Variants in CFAP45 observed in about 807,000 individuals in gnomAD.
CFAP45 encodes the protein cilia and flagella associated protein 45.
Under a neutral mutation model 75.6 loss-of-function variants are expected in CFAP45, and 43 were observed. The ratio of observed to expected loss-of-function variants is 0.57; its 90% CI spans 0.45 to 0.73. CFAP45 has a LOEUF of 0.73. Ranked by LOEUF, CFAP45 falls within the 30% of genes least tolerant of loss-of-function variation. The probability of loss-of-function intolerance (pLI) is 0.00; values close to 1 mark genes in which losing one functional copy is unlikely to be tolerated. For missense variants in CFAP45, 689 were observed against 701.5 expected (o/e 0.98, Z 0.20); for synonymous variants, 223 against 244.6 (o/e 0.91, Z 0.82).
At chr1:159,884,612 T>A (rs1375911952) in intron 6 of CFAP45, 47 bp from the exon 7 acceptor site, 1 of 1,578,896 alleles carries the variant, frequency 6.3e-7, no homozygotes. Context: ...CGGGTCCACA[T>A]CTCCCAGAGT....
Position 159,888,516 on chromosome 1 carries a change from A to C in CFAP45, c.273-20T>G. ...GGAACACTGTCACAAGAATAAACAGAGTTAGGGAGGGGAGAGGGAAAGCTC... is the reference window on the plus strand; with the variant it reads ...GGAACACTGTCACAAGAATAAACAGCGTTAGGGAGGGGAGAGGGAAAGCTC... On this transcript the variant is annotated intron_variant, in intron 3 of 11. Coordinates refer to ENST00000368099, the MANE Select transcript of CFAP45 (RefSeq NM_012337.3). 1 of 1,611,642 alleles carries C rather than the reference A, an allele frequency of 6.2e-7. No individual in the cohort carries two copies. Among genetic ancestry groups the C allele is most frequent in the Non-Finnish European group, 8.5e-7 (1 of 1,178,328 alleles).
chr1:159,877,478 G>C lies in CFAP45; in HGVS notation c.1045-16C>G. ...CTTCTCGAGCCTGCCGGAAGGAAAG[G>C]CCTTGTAGAATAGTTGCCATTGCCC... On this transcript the variant is annotated splice_polypyrimidine_tract_variant and intron_variant, in intron 8 of 11. Transcript: ENST00000368099. 6.3e-7 allele frequency: 1 copy of C among 1,582,312 alleles called. No individual in the cohort carries two copies. The highest frequency in any genetic ancestry group is 8.7e-7 in the Non-Finnish European group (1 of 1,150,918).
chr1:159,882,443 C>T (rs942995073), intron 7 of CFAP45, among the ~76,000 whole-genome samples: 1 of 152,104 alleles, frequency 6.6e-6, no homozygotes, highest in Non-Finnish European at 1.5e-5. Context: ...TTTGTTGGCT[C>T]ATTTCAATTC....
chr1:159,882,445 T>C (rs1422546619), intron 7 of CFAP45, among the ~76,000 whole-genome samples: 1 of 152,204 alleles, frequency 6.6e-6, no homozygotes, highest in East Asian at 1.9e-4. Context: ...TGTTGGCTCA[T>C]TTCAATTCCA....
At chr1:159,878,781 A>C (rs891899944) in intron 8 of CFAP45, among the ~76,000 whole-genome samples, 6 of 142,422 alleles carry the variant, frequency 4.2e-5, no homozygotes, top group African/African-American at 1.3e-4. Context: ...AAAAAAAAAA[A>C]ACCTTCCTTG....
chr1:159,880,904 C>T (rs1047925031), intron 7 of CFAP45, among the ~76,000 whole-genome samples: 4 of 152,138 alleles, frequency 2.6e-5, no homozygotes, highest in African/African-American at 9.7e-5. Context: ...AGTCTTCATC[C>T]AACTTGACTT....
In CFAP45 at chr1:159,873,056, C is replaced by T. The variant is rs1649317950; in HGVS notation, c.1465G>A (p.Glu489Lys). ...RRQVRENQQK[E>K]VQNRIATFEE... is the part of the protein sequence containing the mutation. The stretch of plus-strand genomic sequence containing the variant: ...AAGGTGGCAATCCGGTTCTGCACTT[C>T]CTTCTGCTGGTTCTCGCGCACCTGG... Residue 489 changes from glutamate to lysine, a missense_variant, in exon 11 of 12, where the codon GAA becomes AAA. Transcript: ENST00000368099. The T allele has an allele frequency of 6.2e-7, 1 of 1,614,260 alleles. No homozygotes were observed. The highest frequency in any genetic ancestry group is 8.5e-7 in the Non-Finnish European group (1 of 1,180,048).
chr1:159,883,560 T>C (rs1308345641), intron 7 of CFAP45, among the ~76,000 whole-genome samples: 1 of 151,824 alleles, frequency 6.6e-6, no homozygotes, highest in Non-Finnish European at 1.5e-5. Context: ...AGCTGCAGGC[T>C]GAAGCATTTA....
chr1:159,875,924 G>T (rs1306479197), intron 10 of CFAP45, among the ~76,000 whole-genome samples: 3 of 152,172 alleles, frequency 2.0e-5, no homozygotes, highest in Non-Finnish European at 4.4e-5. Context: ...AGCCAAAAGG[G>T]AAAACAAAAG....
chr1:159,877,459 G>A lies in CFAP45; in HGVS notation c.1048C>T (p.Arg350Ter), dbSNP rs373901651. ...TGCTCAGCCTCAAACTCTGCTTCTC[G>A]AGCCTGCCGGAAGGAAAGGCCTTGT... Reference protein sequence around the residue: ...VMEFTKKKMAREAEFEAEQER... With the variant: ...VMEFTKKKMA The change falls in exon 9 of 12, where the codon CGA becomes TGA. Residue 350 changes from arginine to a stop codon, truncating the protein, a stop_gained. Transcript: ENST00000368099. LOFTEE classifies it high-confidence loss of function. 87 of 1,611,844 alleles carry A rather than the reference G, an allele frequency of 5.4e-5. No individual in the cohort carries two copies. Among genetic ancestry groups the A allele is most frequent in the Admixed American group, 2.5e-4 (15 of 59,988 alleles).
chr1:159,896,875 A>G (rs1571191482), intron 1 of CFAP45, among the ~76,000 whole-genome samples: 1 of 152,372 alleles, frequency 6.6e-6, no homozygotes, highest in Admixed American at 6.5e-5. Context: ...TGATGCAGAA[A>G]GATTTGCTGA....
rs1188427550 is a variant in CFAP45, at chr1:159,884,523, C to G, written c.810G>C (p.Glu270Asp). The G allele has an allele frequency of 1.9e-6, 3 of 1,613,870 alleles. No individual in the cohort carries two copies. In the South Asian group the frequency reaches 3.3e-5, roughly 18 times the overall value. ...QIVEQMEKNQ[E>D]ERSLLAEQRE... ...GCTGCTCAGCAAGCAGCGATCGCTC[C>G]TCCTGGTTCTTTTCCATCTGTTCCA... The change falls in exon 7 of 12, where the codon GAG (glutamate) becomes GAC (aspartate). Residue 270 changes from glutamate (E) to aspartate (D), a missense_variant. Physicochemically the swap from Glu to Asp is conservative, Grantham distance 45. Transcript: ENST00000368099.
intron 7 of CFAP45, among the ~76,000 whole-genome samples, chr1:159,882,237 T>C (rs1177764055): frequency 6.6e-6 from 1 of 152,120 alleles, no homozygotes; most frequent in Admixed American, 6.6e-5. Flanking sequence ...CTCGCTCCTT[T>C]TCCCCCTTCT....
intron 8 of CFAP45, among the ~76,000 whole-genome samples, 178 bp from the exon 9 acceptor site, chr1:159,877,640 G>T (rs1204332490): frequency 6.6e-6 from 1 of 152,166 alleles, no homozygotes; most frequent in Non-Finnish European, 1.5e-5. Context: ...ACTTTGGGAG[G>T]TTGAGGCAGG....
intron 7 of CFAP45, among the ~76,000 whole-genome samples, chr1:159,883,789 AG>A (rs1239713101): frequency 1.3e-5 from 2 of 152,074 alleles, no homozygotes; most frequent in African/African-American, 4.8e-5. Context: ...TAAAAAATTG[AG>A]GAAAAAAATA....
chr1:159,873,029 C>T lies in CFAP45; in HGVS notation c.1492G>A (p.Glu498Lys). The change falls in exon 11 of 12, where the codon GAG (glutamate) becomes AAG (lysine). Residue 498 changes from glutamate (E) to lysine (K), a missense_variant. Transcript: ENST00000368099. Reference protein sequence around the residue: ...KEVQNRIATFEEGRRLKEEAQ... With the variant: ...KEVQNRIATFKEGRRLKEEAQ... ...TCCTCTTTGAGGCGCCGGCCCTCCTCAAAGGTGGCAATCCGGTTCTGCACT... is the reference window on the plus strand; with the variant it reads ...TCCTCTTTGAGGCGCCGGCCCTCCTTAAAGGTGGCAATCCGGTTCTGCACT... The T allele has an allele frequency of 6.2e-7, 1 of 1,614,242 alleles. No individual in the cohort carries two copies. The highest frequency in any genetic ancestry group is 1.3e-5 in the African/African-American group (1 of 75,068).
At chr1:159,893,079 C>T in intron 2 of CFAP45, 101 bp downstream of exon 2, 2 of 1,360,894 alleles carry the variant, frequency 1.5e-6, no homozygotes, top group Non-Finnish European at 1.0e-6. Context: ...TGAGAGTTAC[C>T]TACGAGAGCA....
At chr1:159,882,646 T>C (rs752868131) in intron 7 of CFAP45, among the ~76,000 whole-genome samples, 51 of 152,286 alleles carry the variant, frequency 3.3e-4, no homozygotes, top group Non-Finnish European at 5.0e-4. Flanking sequence ...TAATACTTCC[T>C]GGAGACTCAG....
chr1:159,882,385 G>A (rs1054267993), intron 7 of CFAP45, among the ~76,000 whole-genome samples: 2 of 152,154 alleles, frequency 1.3e-5, no homozygotes, highest in Admixed American at 6.5e-5. Flanking sequence ...ATACAATCAT[G>A]TATTTATTTA....
Sources: allele counts gnomAD v4.1 joint callset (sites outside exome capture counted in the v4.1 genomes callset), GRCh38; gene constraint gnomAD v4.1.1; transcripts MANE v1.5; gene names NCBI Gene and HGNC (gene_info 2026-07-23, HGNC 2026-07-21).